The following ABHD2 variants were observed in gnomAD, a reference collection of about 807,000 sequenced individuals.
The protein encoded by ABHD2 is monoacylglycerol lipase ABHD2.
A neutral mutation model predicts 48.1 loss-of-function variants in ABHD2; 20 were observed. The observed-to-expected ratio is 0.42, with a 90% CI of 0.29 to 0.60. The LOEUF (loss-of-function observed/expected upper bound fraction) is 0.60. Among genes scored for constraint, ABHD2 ranks in the 20% least tolerant of loss-of-function variants. The probability of loss-of-function intolerance (pLI) is 0.24; values close to 1 mark genes in which losing one functional copy is unlikely to be tolerated. For missense variants in ABHD2, 405 were observed against 550.9 expected (o/e 0.74, Z 2.65); for synonymous variants, 209 against 214.2 (o/e 0.98, Z 0.21).
intron 3 of ABHD2, among the ~76,000 whole-genome samples, chr15:89,139,025 T>G (rs908583284): frequency 7.0e-6 from 1 of 143,882 alleles, no homozygotes; most frequent in African/African-American, 2.9e-5. Flanking sequence ...AGACCAGCCC[T>G]GGCGACATAG....
At chr15:89,089,680 G>A (rs938810243) in intron 1 of ABHD2, among the ~76,000 whole-genome samples, 9 of 152,116 alleles carry the variant, frequency 5.9e-5, no homozygotes, top group Non-Finnish European at 7.4e-5. Flanking sequence ...AGAGCTTTTC[G>A]AAGGCCGTTT....
At chr15:89,163,453 C>G (rs141972941) in intron 5 of ABHD2, among the ~76,000 whole-genome samples, 3 of 152,328 alleles carry the variant, frequency 2.0e-5, no homozygotes, top group East Asian at 3.9e-4. Context: ...TGTGCTTTCA[C>G]GTTACTTCAC....
At chr15:89,112,221 T>C (rs1695015465) in intron 1 of ABHD2, among the ~76,000 whole-genome samples, 2 of 152,234 alleles carry the variant, frequency 1.3e-5, no homozygotes, top group African/African-American at 2.4e-5. Context: ...GTGAGAATGC[T>C]GGCCCTGTGT....
intron 3 of ABHD2, among the ~76,000 whole-genome samples, chr15:89,144,830 T>C (rs189441962): frequency 6.6e-5 from 10 of 152,366 alleles, no homozygotes; most frequent in Non-Finnish European, 8.8e-5. Flanking sequence ...TAAAATGTTA[T>C]ATGTATTTTA....
intron 3 of ABHD2, among the ~76,000 whole-genome samples, chr15:89,142,924 T>C (rs2050428795): frequency 6.6e-6 from 1 of 152,156 alleles, no homozygotes; most frequent in Non-Finnish European, 1.5e-5. Flanking sequence ...TCATCAGAGT[T>C]AGGCTAACAT....
chr15:89,149,775 T>G lies in ABHD2; in HGVS notation c.195-1902T>G, dbSNP rs142394523. On this transcript the variant is annotated intron_variant, in intron 3 of 10. Transcript: ENST00000352732. ...CTGGCTGGAGTTGGGCCTGGTAGTTTAGGTTTATTTGAGCTTAGGCAAGAA... is the reference window on the plus strand; with the variant it reads ...CTGGCTGGAGTTGGGCCTGGTAGTTGAGGTTTATTTGAGCTTAGGCAAGAA... Among the ~76,000 whole-genome samples, 396 of 152,340 alleles carry G rather than the reference T, an allele frequency of 2.6e-3. 2 individuals carry two copies. Among genetic ancestry groups the G allele is most frequent in the African/African-American group, 9.3e-3 (385 of 41,578 alleles).
chr15:89,153,472 A>C (rs1395097426), intron 4 of ABHD2, among the ~76,000 whole-genome samples: 1 of 152,174 alleles, frequency 6.6e-6, no homozygotes, highest in South Asian at 2.1e-4. Flanking sequence ...TTCTTCTACC[A>C]CTAAAGCACA....
chr15:89,147,883 G>A (rs2050521150), intron 3 of ABHD2, among the ~76,000 whole-genome samples: 1 of 151,284 alleles, frequency 6.6e-6, no homozygotes, highest in African/African-American at 2.4e-5. Context: ...CCGAGAGGCT[G>A]AAGTGGGCTG....
the ABHD2 span, among the ~76,000 whole-genome samples, chr15:89,081,166 ATTTT>A: frequency 8.7e-6 from 1 of 115,300 alleles, no homozygotes; most frequent in Non-Finnish European, 1.8e-5. Flanking sequence ...TGCCCAGCTA[ATTTT>A]TTTTTTTTTT....
At chr15:89,060,083 CTTTTTTTTTTTTT>C in the ABHD2 span, among the ~76,000 whole-genome samples, 1 of 77,574 alleles carries the variant, frequency 1.3e-5, no homozygotes, top group African/African-American at 5.3e-5. Flanking sequence ...ACTCCAAGGC[CTTTTTTTTTTTTT>C]TTTTTTTTTT....
rs920995755 is a variant in ABHD2 at position 89,197,287 on chromosome 15, C to T, written c.*1864C>T. ...GCTTTGGTATAATTTCTGGCACTCACCAGCCTCTATCATTATGACTTTCCC... is the reference window on the plus strand; with the variant it reads ...GCTTTGGTATAATTTCTGGCACTCATCAGCCTCTATCATTATGACTTTCCC... On this transcript the variant is annotated 3_prime_UTR_variant, in exon 11 of 11. Coordinates refer to ENST00000352732, the MANE Select transcript of ABHD2 (RefSeq NM_152924.5). This position sits in a 1 kb window ranked among gnomAD's most constrained non-coding sequence, Gnocchi z 4.4. 1 of 152,640 alleles carries T rather than the reference C, an allele frequency of 6.6e-6. No individual in the cohort carries two copies. Among genetic ancestry groups the T allele is most frequent in the African/African-American group, 2.4e-5 (1 of 41,450 alleles). The allele number at this position is 152,640 out of a possible 1,614,324, so 9.5% of individuals were successfully genotyped here. A position where few individuals can be genotyped will look rare whatever the true frequency, so the allele number is the denominator to read the frequency against.
upstream of ABHD2, among the ~76,000 whole-genome samples, chr15:89,083,120 G>T (rs977213248): frequency 6.6e-6 from 1 of 152,198 alleles, no homozygotes. This position sits in a 1 kb window ranked among gnomAD's most constrained non-coding sequence, Gnocchi z 5.1. Context: ...CTCCCAAACT[G>T]CTGGGATTAC....
the ABHD2 span, among the ~76,000 whole-genome samples, chr15:89,079,878 A>G: frequency 2.6e-5 from 4 of 152,300 alleles, no homozygotes; most frequent in African/African-American, 4.8e-5. The surrounding 1 kb of genome is among the most constrained non-coding windows in gnomAD (Gnocchi z 4.3). Flanking sequence ...GAGGGCTACT[A>G]TATCTCGCTG....
intron 1 of ABHD2, 66 bp from the exon 2 acceptor site, chr15:89,113,659 G>C (rs2049910927): frequency 6.6e-6 from 1 of 152,100 alleles, no homozygotes; most frequent in African/African-American, 2.4e-5. Context: ...GAACTTGACT[G>C]TGCTTACGTT....
the ABHD2 span, among the ~76,000 whole-genome samples, chr15:89,050,138 G>C: frequency 1.3e-5 from 2 of 152,212 alleles, no homozygotes; most frequent in Non-Finnish European, 1.5e-5. Context: ...ACCCAGGGCA[G>C]AGGGGCTATG....
chr15:89,042,565 A>G, the ABHD2 span, among the ~76,000 whole-genome samples: 2 of 146,904 alleles, frequency 1.4e-5, no homozygotes, highest in African/African-American at 5.0e-5. Flanking sequence ...TTTCTTTTTT[A>G]TTTCCTTTTC....
At chr15:89,078,520 G>A in the ABHD2 span, among the ~76,000 whole-genome samples, 566 of 152,240 alleles carry the variant, frequency 3.7e-3, 4 homozygotes, top group African/African-American at 0.012. Context: ...GCGCTATTAT[G>A]AACGTTATTG....
chr15:89,179,953 C>T lies in ABHD2; in HGVS notation c.722+3958C>T, dbSNP rs906266218. On this transcript the variant is annotated intron_variant, in intron 6 of 10. Transcript: ENST00000352732. The surrounding 1 kb of genome is among the most constrained non-coding windows in gnomAD (Gnocchi z 4.3). The stretch of plus-strand genomic sequence containing the variant: ...TCCTGCCAAATGGTGGGGATATTGT[C>T]TCTCTTGCTTTTGATGGGCAAACTT... Among the ~76,000 whole-genome samples the T allele has an allele frequency of 4.6e-5, 7 of 152,214 alleles. No homozygotes were observed. The highest frequency in any genetic ancestry group is 1.7e-4 in the African/African-American group (7 of 41,464).
rs776587883 is a variant in ABHD2, at chr15:89,100,556, A to G, written c.-107+11993A>G. Among the ~76,000 whole-genome samples, 19 of 152,318 alleles carry G rather than the reference A, an allele frequency of 1.2e-4. No individual in the cohort carries two copies. Among genetic ancestry groups the G allele is most frequent in the Non-Finnish European group, 2.1e-4 (14 of 68,024 alleles). ...GAAATCTTTGTAGAAATATTTTTCC[A>G]TTCTCCTTAGATGTTAAAAAGGAAC... On this transcript the variant is annotated intron_variant, in intron 1 of 10. Coordinates refer to ENST00000352732, the MANE Select transcript of ABHD2 (RefSeq NM_152924.5). The surrounding 1 kb of genome is among the most constrained non-coding windows in gnomAD (Gnocchi z 4.4).
Sources: allele counts gnomAD v4.1 joint callset (sites outside exome capture counted in the v4.1 genomes callset), GRCh38; gene constraint gnomAD v4.1.1; non-coding constraint Gnocchi (gnomAD v3.1); transcripts MANE v1.5; gene names NCBI Gene and HGNC (gene_info 2026-07-23, HGNC 2026-07-21).